Variants in TTBK2 observed in about 807,000 individuals in gnomAD.
TTBK2 encodes the protein tau-tubulin kinase 2.
Under a neutral mutation model 110.8 loss-of-function variants are expected in TTBK2, and 28 were observed. That is an observed-to-expected ratio of 0.25 (90% CI 0.19 to 0.35). The LOEUF is 0.35. Among genes scored for constraint, TTBK2 ranks in the 10% least tolerant of loss-of-function variants. The pLI is 1.00. For missense variants in TTBK2, 1,369 were observed against 1,500.3 expected (o/e 0.91, Z 1.45); for synonymous variants, 532 against 527.3 (o/e 1.01, Z -0.12).
intron 9 of TTBK2, among the ~76,000 whole-genome samples, chr15:42,805,943 T>C (rs986680903): frequency 6.6e-6 from 1 of 152,216 alleles, no homozygotes; most frequent in Non-Finnish European, 1.5e-5. Flanking sequence ...ATGTATTATA[T>C]GATCAAGAAC....
intron 3 of TTBK2, among the ~76,000 whole-genome samples, chr15:42,851,464 G>A (rs552446305): frequency 6.6e-6 from 1 of 152,168 alleles, no homozygotes; most frequent in Admixed American, 6.5e-5. Flanking sequence ...TAACTGTTTA[G>A]TATGTTAGAA....
chr15:42,857,867 G>C (rs1378809050), intron 3 of TTBK2, among the ~76,000 whole-genome samples: 2 of 151,970 alleles, frequency 1.3e-5, no homozygotes, highest in African/African-American at 4.8e-5. Flanking sequence ...TGGATCACCT[G>C]AGATCACGAG....
At chr15:42,843,869 A>T (rs951719908) in intron 3 of TTBK2, among the ~76,000 whole-genome samples, 1 of 151,954 alleles carries the variant, frequency 6.6e-6, no homozygotes, top group East Asian at 1.9e-4. Context: ...TAGTGGACCA[A>T]CTGACACCAC....
rs117190993 is a variant in TTBK2, at chr15:42,755,913, G to A, written c.1999-2666C>T. Among the ~76,000 whole-genome samples the A allele has an allele frequency of 3.6e-3, 544 of 152,100 alleles. 17 individuals carry two copies. In the East Asian group the frequency reaches 0.082, roughly 23 times the overall value. ...GAGATGATAACCTATATTCAAAATC[G>A]GGCCAGGTGTGGTGGCTCTTGCCTA... On this transcript the variant is annotated intron_variant, in intron 13 of 14. Coordinates refer to ENST00000267890, the MANE Select transcript of TTBK2 (RefSeq NM_173500.4).
At chr15:42,828,754 A>G (rs1892635626) in intron 5 of TTBK2, among the ~76,000 whole-genome samples, 1 of 151,864 alleles carries the variant, frequency 6.6e-6, no homozygotes, top group African/African-American at 2.4e-5. Context: ...TCCTATAAGC[A>G]TCATAAAGCT....
At chr15:42,816,088 AT>A (rs1452852733) in intron 7 of TTBK2, among the ~76,000 whole-genome samples, 2,236 of 32,502 alleles carry the variant, frequency 0.069, 45 homozygotes, top group Non-Finnish European at 0.085. Flanking sequence ...ATAAATAAAT[AT>A]ATATATATAT....
rs770444240 is a variant in TTBK2 at position 42,746,064 on chromosome 15, G to T, written c.3466C>A (p.Arg1156=). The T allele has an allele frequency of 6.2e-7, 1 of 1,614,136 alleles. No individual in the cohort carries two copies. The highest frequency in any genetic ancestry group is 2.2e-5 in the East Asian group (1 of 44,878). ...GACGTGCGAGGCAAGGATGAGCTTC[G>T]AGGAGAGGCACTGGGACTCCTGCGA... The part of the protein sequence containing the change: ...VPRRSPSASP[R]SSSLPRTSSS... Residue 1156 remains arginine, a synonymous_variant, in exon 15 of 15, where the codon CGA becomes AGA. Coordinates refer to ENST00000267890, the MANE Select transcript of TTBK2 (RefSeq NM_173500.4).
chr15:42,771,463 C>T (rs1177343219), intron 13 of TTBK2, among the ~76,000 whole-genome samples: 2 of 152,156 alleles, frequency 1.3e-5, no homozygotes, highest in Non-Finnish European at 2.9e-5. Context: ...TGTAACTTTT[C>T]ATTGCCAACC....
intron 10 of TTBK2, among the ~76,000 whole-genome samples, chr15:42,791,316 C>G (rs35538776): frequency 6.6e-6 from 1 of 152,080 alleles, no homozygotes; most frequent in Non-Finnish European, 1.5e-5. Flanking sequence ...TCACACCCAG[C>G]CAGTTCTCTG....
intron 12 of TTBK2, chr15:42,776,818 T>C: frequency 1.6e-6 from 1 of 608,736 alleles, no homozygotes; most frequent in South Asian, 2.2e-5. Flanking sequence ...CCAAAGGACA[T>C]GCTATAGAAT....
At chr15:42,798,189 T>C (rs961959252) in intron 9 of TTBK2, 9 of 456,004 alleles carry the variant, frequency 2.0e-5, no homozygotes, top group South Asian at 6.2e-5. Flanking sequence ...CAGCCTCTCA[T>C]TCTTTTTTAT....
intron 10 of TTBK2, among the ~76,000 whole-genome samples, chr15:42,788,548 T>G (rs1243576041): frequency 1.3e-5 from 2 of 152,224 alleles, no homozygotes. Flanking sequence ...CAGTTGTTGT[T>G]TCCCAAAGGT....
intron 3 of TTBK2, among the ~76,000 whole-genome samples, chr15:42,841,858 T>C (rs968264740): frequency 2.0e-5 from 3 of 152,184 alleles, no homozygotes; most frequent in Non-Finnish European, 4.4e-5. Flanking sequence ...TTTTAAGGGA[T>C]ACTAAAATGT....
intron 14 of TTBK2, among the ~76,000 whole-genome samples, chr15:42,746,948 G>A (rs1274256911): frequency 1.3e-5 from 2 of 151,440 alleles, no homozygotes; most frequent in African/African-American, 4.9e-5. Flanking sequence ...ACTGGCAACT[G>A]AGCTTGGGCC....
chr15:42,752,635 C>A lies in TTBK2; in HGVS notation c.2611G>T (p.Ala871Ser). ...PHVEGQIGQV[A>S]EMQKNKISKD... ...GATATCTTATTTTTTTGCATTTCTGCCACTTGGCCTATCTGACCTTCAACA... is the reference window on the plus strand; with the variant it reads ...GATATCTTATTTTTTTGCATTTCTGACACTTGGCCTATCTGACCTTCAACA... The change falls in exon 14 of 15, where the codon GCA (alanine) becomes TCA (serine). Residue 871 changes from alanine to serine, a missense_variant. Transcript: ENST00000267890. 2 of 1,614,118 alleles carry A rather than the reference C, an allele frequency of 1.2e-6. No individual in the cohort carries two copies. The highest frequency in any genetic ancestry group is 2.2e-5 in the South Asian group (2 of 91,066).
chr15:42,763,779 C>A (rs936107300), intron 13 of TTBK2, among the ~76,000 whole-genome samples: 1 of 152,104 alleles, frequency 6.6e-6, no homozygotes, highest in African/African-American at 2.4e-5. Flanking sequence ...GTGGGGAAGG[C>A]AGCAGTCTTT....
chr15:42,894,013 CAT>C (rs1895572468), intron 1 of TTBK2, among the ~76,000 whole-genome samples: 1 of 152,176 alleles, frequency 6.6e-6, no homozygotes, highest in Non-Finnish European at 1.5e-5. Context: ...TAATCCCCCA[CAT>C]GTCATGGGAG....
At chr15:42,786,242 A>G (rs1890409879) in intron 10 of TTBK2, among the ~76,000 whole-genome samples, 1 of 152,222 alleles carries the variant, frequency 6.6e-6, no homozygotes, top group Non-Finnish European at 1.5e-5. Context: ...TCAAATCAAT[A>G]GTTCAGATTT....
At chr15:42,803,258 G>A (rs1031870694) in intron 9 of TTBK2, among the ~76,000 whole-genome samples, 1 of 152,128 alleles carries the variant, frequency 6.6e-6, no homozygotes, top group Non-Finnish European at 1.5e-5. Flanking sequence ...GCGTGTTATT[G>A]TACTGAATAC....
Sources: gnomAD v4.1 joint callset for allele counts (sites outside exome capture counted in the v4.1 genomes callset) on GRCh38, gnomAD v4.1.1 for gene constraint, MANE v1.5 for transcripts, NCBI Gene and HGNC (gene_info 2026-07-23, HGNC 2026-07-21) for gene names.